Variants in GRM5 observed in about 807,000 individuals in gnomAD.
The protein encoded by GRM5 is glutamate metabotropic receptor 5, also known as metabotropic glutamate receptor 5.
Under a neutral mutation model 83.1 loss-of-function variants are expected in GRM5, and 19 were observed. That is an observed-to-expected ratio of 0.23 (90% CI 0.16 to 0.34). The LOEUF (loss-of-function observed/expected upper bound fraction) is 0.34. Ranked by LOEUF, GRM5 falls within the 10% of genes least tolerant of loss-of-function variation. The probability of loss-of-function intolerance (pLI) is 1.00; values close to 1 mark genes in which losing one functional copy is unlikely to be tolerated. For missense variants in GRM5, 1,160 were observed against 1,588.3 expected (o/e 0.73, Z 4.58); for synonymous variants, 675 against 633.6 (o/e 1.07, Z -0.98).
At chr11:89,030,523 A>T (rs1941238217) in intron 2 of GRM5, among the ~76,000 whole-genome samples, 1 of 152,064 alleles carries the variant, frequency 6.6e-6, no homozygotes, top group Admixed American at 6.6e-5. Context: ...TCATCTGGTA[A>T]ATGGTAATTA....
intron 2 of GRM5, among the ~76,000 whole-genome samples, chr11:88,865,913 G>T (rs1324303719): frequency 2.6e-5 from 4 of 152,248 alleles, no homozygotes; most frequent in Middle Eastern, 6.8e-3. Context: ...AACAACAGAA[G>T]CTGGAGAGGA....
intron 3 of GRM5, among the ~76,000 whole-genome samples, chr11:88,749,362 C>A (rs1229374172): frequency 6.6e-6 from 1 of 152,022 alleles, no homozygotes; most frequent in East Asian, 1.9e-4. Flanking sequence ...AACTATCTTT[C>A]TGAAATTTGA....
At position 88,885,450 on chromosome 11, in the gene GRM5, G is replaced by GGT. The variant is rs1945027301; in HGVS notation, c.662-35296_662-35295insAC. Among the ~76,000 whole-genome samples the GGT allele has an allele frequency of 5.7e-4, 36 of 62,664 alleles. 12 individuals carry two copies. Among genetic ancestry groups the GGT allele is most frequent in the African/African-American group, 2.0e-3 (34 of 16,892 alleles). The allele number at this position is 62,664 out of a possible 152,430, so 41.1% of individuals were successfully genotyped here. Reference sequence around the variant, plus strand: ...TTCTGAATTCTATAGTAGGTACCATGTTTTTTTTTTTTTTTTTTTTTTTTT... The same window carrying GGT: ...TTCTGAATTCTATAGTAGGTACCATGGTTTTTTTTTTTTTTTTTTTTTTTTTT... On this transcript the variant is annotated intron_variant, in intron 2 of 9. Coordinates refer to ENST00000305447, the MANE Select transcript of GRM5 (RefSeq NM_001143831.3).
rs186914768 is a variant in GRM5 at position 88,509,112 on chromosome 11, G to C, written c.3119C>G (p.Pro1040Arg). The change falls in exon 10 of 10, where the codon CCG (proline) becomes CGG (arginine). Residue 1040 changes from proline to arginine, a missense_variant. Around this residue, in one of 9 missense-constraint regions of GRM5, gnomAD observed 562 missense variants for 532.4 expected, o/e 1.06. Coordinates refer to ENST00000305447, the MANE Select transcript of GRM5 (RefSeq NM_001143831.3). ...GSASRTDDDV[P>R]SLHSEPVARS... ...CGCCACAGGCTCCGAGTGCAGCGAC[G>C]GCACATCGTCGTCCGTGCGGCTGGC... 5.8e-6 allele frequency: 9 copies of C among 1,546,160 alleles called. No homozygotes were observed. Among genetic ancestry groups the C allele is most frequent in the East Asian group, 2.4e-5 (1 of 40,830 alleles).
chr11:88,791,842 T>A (rs1035305519), intron 3 of GRM5, among the ~76,000 whole-genome samples: 5 of 152,184 alleles, frequency 3.3e-5, no homozygotes, highest in Non-Finnish European at 7.4e-5. Flanking sequence ...TAATCAGTGT[T>A]TACCTTGTAT....
intron 3 of GRM5, among the ~76,000 whole-genome samples, chr11:88,698,357 G>A (rs955180513): frequency 2.6e-5 from 4 of 152,130 alleles, no homozygotes; most frequent in Admixed American, 6.5e-5. Flanking sequence ...TTCTCAGCAT[G>A]TATTGTTTCC....
chr11:88,779,989 C>T (rs1196048808), intron 3 of GRM5, among the ~76,000 whole-genome samples: 1 of 152,136 alleles, frequency 6.6e-6, no homozygotes, highest in Non-Finnish European at 1.5e-5. Flanking sequence ...GAATCCAGAG[C>T]TATGCCCTGT....
chr11:89,035,614 G>T (rs1278691007), intron 2 of GRM5, among the ~76,000 whole-genome samples: 1 of 151,640 alleles, frequency 6.6e-6, no homozygotes, highest in East Asian at 1.9e-4. Context: ...ACTTTTCATT[G>T]CAGCTATGAA....
chr11:88,648,337 G>A (rs1231314388), intron 4 of GRM5, among the ~76,000 whole-genome samples: 3 of 147,776 alleles, frequency 2.0e-5, no homozygotes, highest in Admixed American at 6.8e-5. Flanking sequence ...AAAATGATGA[G>A]TTCATGTCCT....
At chr11:88,775,775 A>T (rs139770406) in intron 3 of GRM5, among the ~76,000 whole-genome samples, 125 of 152,182 alleles carry the variant, frequency 8.2e-4, no homozygotes, top group African/African-American at 2.8e-3. Flanking sequence ...AATCCTGAGT[A>T]CTAATTTGAT....
rs375326582 is a variant in GRM5 at position 88,745,652 on chromosome 11, G to A, written c.912-92249C>T. Among the ~76,000 whole-genome samples the A allele has an allele frequency of 8.5e-5, 13 of 152,194 alleles. 1 individual carries two copies. The South Asian group carries it at 1.7e-3, about 19-fold the overall frequency. ...TGTTTCTTTTCTGTACCAGTCTTGT[G>A]TCTCCAAAAAGATGGAAAACTTAAG... On this transcript the variant is annotated intron_variant, in intron 3 of 9. Coordinates refer to ENST00000305447, the MANE Select transcript of GRM5 (RefSeq NM_001143831.3).
At chr11:88,806,639 G>T (rs1943503390) in intron 3 of GRM5, among the ~76,000 whole-genome samples, 1 of 152,146 alleles carries the variant, frequency 6.6e-6, no homozygotes. Context: ...CAATACTGAG[G>T]TTACTTTACA....
At chr11:88,872,978 T>C (rs947515653) in intron 2 of GRM5, among the ~76,000 whole-genome samples, 4 of 148,738 alleles carry the variant, frequency 2.7e-5, no homozygotes, top group Admixed American at 1.3e-4. Flanking sequence ...TCATTTCATC[T>C]ATAAAGATAC....
intron 3 of GRM5, among the ~76,000 whole-genome samples, chr11:88,839,103 A>G (rs1363415311): frequency 6.6e-6 from 1 of 152,210 alleles, no homozygotes; most frequent in Non-Finnish European, 1.5e-5. Flanking sequence ...ATTTTTATGC[A>G]TTTTATACTA....
intron 2 of GRM5, among the ~76,000 whole-genome samples, chr11:89,017,767 C>T (rs1940895417): frequency 6.6e-6 from 1 of 152,112 alleles, no homozygotes; most frequent in Non-Finnish European, 1.5e-5. Context: ...GAGTACCCAC[C>T]ATAGAGTTTC....
chr11:88,517,531 C>T (rs1403296196), intron 9 of GRM5, among the ~76,000 whole-genome samples: 1 of 152,128 alleles, frequency 6.6e-6, no homozygotes, highest in African/African-American at 2.4e-5. Context: ...TTTAAATTTT[C>T]AGAGCACTCA....
chr11:88,976,408 C>A (rs1228977339), intron 2 of GRM5, among the ~76,000 whole-genome samples: 2 of 151,698 alleles, frequency 1.3e-5, no homozygotes, highest in Non-Finnish European at 2.9e-5. Flanking sequence ...TTTTTTATTT[C>A]TCAAATAGAA....
chr11:88,730,932 G>C (rs962258680), intron 3 of GRM5, among the ~76,000 whole-genome samples: 1 of 152,038 alleles, frequency 6.6e-6, no homozygotes, highest in African/African-American at 2.4e-5. Flanking sequence ...ATGGGTTGAT[G>C]GGTGCAACAA....
At chr11:88,724,800 AG>A (rs1435811037) in intron 3 of GRM5, among the ~76,000 whole-genome samples, 7 of 152,062 alleles carry the variant, frequency 4.6e-5, no homozygotes, top group African/African-American at 1.7e-4. Flanking sequence ...GGGAAGTACA[AG>A]GGGTTGGGGA....
Sources: allele counts gnomAD v4.1 joint callset (sites outside exome capture counted in the v4.1 genomes callset), GRCh38; gene constraint gnomAD v4.1.1; regional missense constraint gnomAD v4.1.1; transcripts MANE v1.5; gene names NCBI Gene and HGNC (gene_info 2026-07-23, HGNC 2026-07-21).